NMNAT1: variants seen among roughly 807,000 people sequenced by gnomAD.
NMNAT1 encodes the protein nicotinamide/nicotinic acid mononucleotide adenylyltransferase 1.
Under a neutral mutation model 16.7 loss-of-function variants are expected in NMNAT1, and 11 were observed. The ratio of observed to expected loss-of-function variants is 0.66; its 90% CI spans 0.41 to 1.09. NMNAT1 has a LOEUF of 1.09. NMNAT1 is among the 50% of genes least tolerant of loss of function. The pLI, the probability that NMNAT1 is intolerant of heterozygous loss-of-function variation, is 0.00. For missense variants in NMNAT1, 280 were observed against 332.3 expected (o/e 0.84, Z 1.22); for synonymous variants, 110 against 119.8 (o/e 0.92, Z 0.53).
chr1:9,966,295 T>C (rs1641541023), intron 1 of NMNAT1, among the ~76,000 whole-genome samples: 1 of 150,928 alleles, frequency 6.6e-6, no homozygotes, highest in South Asian at 2.1e-4. Context: ...GGAGACTCCA[T>C]CTCAAAACAG....
intron 3 of NMNAT1, among the ~76,000 whole-genome samples, chr1:9,977,669 C>T (rs989766299): frequency 4.0e-5 from 6 of 151,844 alleles, no homozygotes; most frequent in African/African-American, 1.5e-4. Flanking sequence ...TAGTTCAAGA[C>T]AAGCCTGGCC....
chr1:9,954,187 T>C (rs1250457262), intron 1 of NMNAT1, among the ~76,000 whole-genome samples: 1 of 152,098 alleles, frequency 6.6e-6, no homozygotes, highest in Non-Finnish European at 1.5e-5. Context: ...CTTCTCCACA[T>C]TTCAGAATGT....
chr1:9,983,771 G>T lies in NMNAT1; in HGVS notation c.*1070G>T, dbSNP rs557527848. ...GTCATTTTCTCCTCCTTAGCTTCTT[G>T]GAGTTTAAGAGTTGAAGGAGTCCTG... is the stretch of plus-strand genomic sequence containing the variant. On this transcript the variant is annotated 3_prime_UTR_variant, in exon 5 of 5. Transcript: ENST00000377205. 6.6e-6 allele frequency: 1 copy of T among 152,226 alleles called. No homozygotes were observed. Among genetic ancestry groups the T allele is most frequent in the African/African-American group, 2.4e-5 (1 of 41,538 alleles). 9.4% of individuals were successfully genotyped at this position (152,226 alleles called of 1,614,324 possible).
intron 1 of NMNAT1, among the ~76,000 whole-genome samples, chr1:9,945,475 C>T (rs1360877342): frequency 1.3e-5 from 2 of 151,968 alleles, no homozygotes; most frequent in African/African-American, 4.8e-5. Flanking sequence ...CCGAGGTGGG[C>T]GGATCACGAG....
At chr1:9,976,777 A>C (rs1354030473) in intron 3 of NMNAT1, among the ~76,000 whole-genome samples, 1 of 151,938 alleles carries the variant, frequency 6.6e-6, no homozygotes, top group Admixed American at 6.6e-5. Flanking sequence ...GGTGACTGCC[A>C]CCACGCCCCG....
the NMNAT1 span, among the ~76,000 whole-genome samples, chr1:9,991,961 A>G: frequency 6.6e-6 from 1 of 151,984 alleles, no homozygotes; most frequent in African/African-American, 2.4e-5. Flanking sequence ...GCTACTCTAG[A>G]GGCTGAGGCA....
chr1:9,966,427 A>G (rs952492742), intron 1 of NMNAT1, among the ~76,000 whole-genome samples: 1 of 152,178 alleles, frequency 6.6e-6, no homozygotes, highest in Non-Finnish European at 1.5e-5. Flanking sequence ...AGCCTAGCCA[A>G]CATGGTGAAA....
chr1:9,949,718 A>T (rs1641064711), intron 1 of NMNAT1: 1 of 151,986 alleles, frequency 6.6e-6, no homozygotes, highest in South Asian at 2.1e-4. Flanking sequence ...GGCCTCTCAA[A>T]GTGCTGGGAT....
chr1:9,976,226 A>G (rs1038486488), intron 3 of NMNAT1, among the ~76,000 whole-genome samples: 3 of 151,436 alleles, frequency 2.0e-5, no homozygotes, highest in Non-Finnish European at 4.4e-5. Context: ...GATGGAGGTT[A>G]CAGTGAGCCA....
intron 1 of NMNAT1, among the ~76,000 whole-genome samples, chr1:9,944,157 G>A (rs924186687): frequency 6.6e-6 from 1 of 152,166 alleles, no homozygotes; most frequent in Non-Finnish European, 1.5e-5. Context: ...GGGAGGCTGA[G>A]GCAGGAGAAT....
chr1:9,994,897 C>A, the NMNAT1 span, among the ~76,000 whole-genome samples: 1 of 152,142 alleles, frequency 6.6e-6, no homozygotes, highest in Non-Finnish European at 1.5e-5. Flanking sequence ...CAGGCTTGAG[C>A]CACTGCGCCT....
intron 1 of NMNAT1, among the ~76,000 whole-genome samples, chr1:9,950,396 C>T (rs1254654217): frequency 1.3e-5 from 2 of 152,132 alleles, no homozygotes; most frequent in Non-Finnish European, 2.9e-5. Context: ...TGGCATAATG[C>T]AGTTTTCTAC....
intron 1 of NMNAT1, among the ~76,000 whole-genome samples, chr1:9,952,984 A>G (rs1401748089): frequency 6.6e-6 from 1 of 150,520 alleles, no homozygotes; most frequent in Non-Finnish European, 1.5e-5. Context: ...GATTGTATGC[A>G]TGTTTTTTTT....
intron 4 of NMNAT1, chr1:9,981,524 A>C (rs998542748): frequency 4.1e-5 from 8 of 193,228 alleles, no homozygotes; most frequent in South Asian, 9.0e-5. Context: ...CGTGAGCCAC[A>C]GCGCCTGGGC....
chr1:9,974,209 A>G (rs911497150), intron 2 of NMNAT1, among the ~76,000 whole-genome samples: 2 of 151,492 alleles, frequency 1.3e-5, no homozygotes, highest in South Asian at 2.1e-4. Context: ...ATTTGTGTGT[A>G]TACACAGATT....
At chr1:9,976,157 C>T (rs936790429) in intron 3 of NMNAT1, among the ~76,000 whole-genome samples, 2 of 151,924 alleles carry the variant, frequency 1.3e-5, no homozygotes, top group Non-Finnish European at 2.9e-5. Context: ...CATGGTGGCG[C>T]ATGCCTGTAA....
chr1:9,988,529 C>T (rs1055786061), downstream of NMNAT1, among the ~76,000 whole-genome samples: 1 of 151,700 alleles, frequency 6.6e-6, no homozygotes, highest in Non-Finnish European at 1.5e-5. Context: ...GGTGAAACCC[C>T]GTCTCTAATA....
chr1:9,988,207 C>T (rs1260017372), downstream of NMNAT1, among the ~76,000 whole-genome samples: 3 of 151,996 alleles, frequency 2.0e-5, no homozygotes, highest in Non-Finnish European at 4.4e-5. Context: ...CATGTTGGCC[C>T]GGCTGATCTC....
chr1:9,948,803 T>C (rs1455412742), intron 1 of NMNAT1, among the ~76,000 whole-genome samples: 2 of 151,526 alleles, frequency 1.3e-5, no homozygotes, highest in Non-Finnish European at 2.9e-5. Flanking sequence ...CCCGCCACCA[T>C]GCCTGGCTAA....
Sources: allele counts gnomAD v4.1 joint callset (sites outside exome capture counted in the v4.1 genomes callset), GRCh38; gene constraint gnomAD v4.1.1; transcripts MANE v1.5; gene names NCBI Gene and HGNC (gene_info 2026-07-23, HGNC 2026-07-21).